Variants in TLE1 observed in about 807,000 individuals in gnomAD.
TLE1 encodes TLE family member 1, transcriptional corepressor.
In TLE1, 21 loss-of-function variants were observed where a neutral mutation model predicts 89.8. The observed-to-expected ratio is 0.23, with a 90% CI of 0.17 to 0.34. The LOEUF is 0.34. Ranked by LOEUF, TLE1 falls within the 10% of genes least tolerant of loss-of-function variation. TLE1 has a pLI of 1.00. For missense variants in TLE1, 795 were observed against 1,031.2 expected, an observed-to-expected ratio of 0.77 and a Z score of 3.14; for synonymous variants, 447 against 407.6, an observed-to-expected ratio of 1.10 and a Z score of -1.16.
intron 16 of TLE1, among the ~76,000 whole-genome samples, chr9:81,588,877 A>G (rs2131786821): frequency 6.6e-6 from 1 of 152,320 alleles, no homozygotes; most frequent in Non-Finnish European, 1.5e-5. Context: ...CCCACACCTT[A>G]TCATTCCTGT....
At chr9:81,616,471 T>C (rs1223548045) in intron 10 of TLE1, among the ~76,000 whole-genome samples, 175 bp downstream of exon 10, 1 of 152,034 alleles carries the variant, frequency 6.6e-6, no homozygotes, top group Non-Finnish European at 1.5e-5. Flanking sequence ...AATAAAACTT[T>C]ATGTCAGTTA....
intron 8 of TLE1, among the ~76,000 whole-genome samples, chr9:81,629,641 AGT>A (rs779662862): frequency 6.6e-6 from 1 of 152,232 alleles, no homozygotes; most frequent in African/African-American, 2.4e-5. Context: ...AATATCGAAT[AGT>A]GTGTTTACAC....
rs752460555 is a variant in TLE1 at position 81,590,885 on chromosome 9, G to A, written c.1749C>T (p.Ser583=). The A allele has an allele frequency of 1.3e-5, 21 of 1,614,276 alleles. No individual in the cohort carries two copies. The highest frequency in any genetic ancestry group is 2.2e-5 in the East Asian group (1 of 44,882). ...ATGAGAAGCAGACCTTGGAATCGGG[G>A]CTGATGGCCAGGGCGTAGCAGGCGG... The part of the protein sequence containing the change: ...SAPACYALAI[S]PDSKVCFSCC... The change falls in exon 16 of 20, where the codon AGC becomes AGT. Residue 583 remains serine, a synonymous_variant. Coordinates refer to ENST00000376499, the MANE Select transcript of TLE1 (RefSeq NM_005077.5).
At chr9:81,666,564 C>T (rs967587174) in intron 4 of TLE1, among the ~76,000 whole-genome samples, 1 of 151,900 alleles carries the variant, frequency 6.6e-6, no homozygotes, top group Non-Finnish European at 1.5e-5. Context: ...ATTATGAGGT[C>T]AGGAGTTCAA....
chr9:81,655,319 C>T (rs1830029601), intron 4 of TLE1, among the ~76,000 whole-genome samples: 2 of 152,102 alleles, frequency 1.3e-5, no homozygotes. Flanking sequence ...GCCGAGATCA[C>T]GCCACTGCAC....
At chr9:81,665,784 T>A (rs774199139) in intron 4 of TLE1, among the ~76,000 whole-genome samples, 1 of 152,062 alleles carries the variant, frequency 6.6e-6, no homozygotes, top group Non-Finnish European at 1.5e-5. Context: ...TATTCATTGG[T>A]TCTCCTTCCT....
intron 14 of TLE1, among the ~76,000 whole-genome samples, chr9:81,602,039 T>G (rs1333705948): frequency 6.6e-6 from 1 of 152,094 alleles, no homozygotes; most frequent in Non-Finnish European, 1.5e-5. Context: ...TGTTTCACGG[T>G]GCAACTGGAG....
At chr9:81,677,768 A>G (rs1833089183) in intron 4 of TLE1, among the ~76,000 whole-genome samples, 1 of 152,126 alleles carries the variant, frequency 6.6e-6, no homozygotes, top group African/African-American at 2.4e-5. Flanking sequence ...GTTCAAACAC[A>G]CCTACATTCT....
chr9:81,613,235 T>A, intron 12 of TLE1, 142 bp downstream of exon 12: 10 of 1,196,710 alleles, frequency 8.4e-6, no homozygotes, highest in Non-Finnish European at 1.0e-5. Flanking sequence ...TTTCTTATCA[T>A]GGCTTTTTCA....
Position 81,643,054 on chromosome 9 carries a change from G to C in TLE1, c.373-8753C>G, listed in dbSNP as rs553598871. Among the ~76,000 whole-genome samples, 38 of 152,298 alleles carry C rather than the reference G, an allele frequency of 2.5e-4. 1 individual carries two copies. In the South Asian group the frequency reaches 7.7e-3, roughly 31 times the overall value. ...AACTCACAGAAGCAGAGAGTAGAATGGCGGCTGCCTTGCGGGGTAGGGGAA... is the reference window on the plus strand; with the variant it reads ...AACTCACAGAAGCAGAGAGTAGAATCGCGGCTGCCTTGCGGGGTAGGGGAA... On this transcript the variant is annotated intron_variant, in intron 6 of 19. Transcript: ENST00000376499.
intron 4 of TLE1, among the ~76,000 whole-genome samples, chr9:81,668,024 C>T (rs1163557729): frequency 2.0e-5 from 3 of 152,030 alleles, no homozygotes; most frequent in African/African-American, 7.2e-5. Context: ...ATTAGCCGGG[C>T]GTGGTGGCAC....
chr9:81,634,202 G>A lies in TLE1; in HGVS notation c.472C>T (p.Leu158Phe), dbSNP rs772420250. ...SGLQPPGIPP[L>F]GGSAGLLALS... ...GCAAGAAGGCCGGCACTGCCCCCGA[G>A]GGGCGGGATTCCAGGAGGCTGAAGT... Residue 158 changes from leucine (L) to phenylalanine (F), a missense_variant, in exon 7 of 20, where the codon CTC (leucine) becomes TTC (phenylalanine). Transcript: ENST00000376499. The A allele has an allele frequency of 3.1e-6, 5 of 1,591,528 alleles. No individual in the cohort carries two copies. The highest frequency in any genetic ancestry group is 2.3e-5 in the East Asian group (1 of 44,254).
intron 6 of TLE1, among the ~76,000 whole-genome samples, chr9:81,646,691 A>T (rs1313726160): frequency 6.6e-6 from 1 of 152,190 alleles, no homozygotes; most frequent in Non-Finnish European, 1.5e-5. Context: ...CTCATGCAAG[A>T]GTGGAGAGCC....
intron 14 of TLE1, among the ~76,000 whole-genome samples, chr9:81,594,412 C>G (rs1218493299): frequency 1.3e-5 from 2 of 152,096 alleles, no homozygotes; most frequent in African/African-American, 4.8e-5. Flanking sequence ...AACCATCATT[C>G]CCAGCAAACT....
At chr9:81,686,908 CTT>C (rs1834361060) in intron 2 of TLE1, among the ~76,000 whole-genome samples, 2 of 152,314 alleles carry the variant, frequency 1.3e-5, no homozygotes, top group Admixed American at 6.5e-5. Flanking sequence ...CCTTAATGGA[CTT>C]TGCCTCAGAA....
At chr9:81,639,150 T>C (rs529503626) in intron 6 of TLE1, among the ~76,000 whole-genome samples, 9 of 152,136 alleles carry the variant, frequency 5.9e-5, no homozygotes, top group African/African-American at 2.2e-4. Context: ...GGTCTGGAAC[T>C]CCTGTTTTCA....
intron 4 of TLE1, among the ~76,000 whole-genome samples, chr9:81,671,419 G>A (rs1269034632): frequency 2.0e-5 from 3 of 151,596 alleles, no homozygotes; most frequent in Admixed American, 2.0e-4. Context: ...GGCCAAGGTG[G>A]GCGGATCACA....
intron 14 of TLE1, among the ~76,000 whole-genome samples, chr9:81,601,601 GAAA>G (rs199834935): frequency 1.7e-5 from 2 of 116,116 alleles, no homozygotes; most frequent in Admixed American, 8.8e-5. Flanking sequence ...TACAGTGCCA[GAAA>G]AAAAAAAAAA....
In TLE1 at chr9:81,620,518, C is replaced by G; in HGVS notation, c.634G>C (p.Asp212His). ...LLVPDSLRGT[D>H]KRRNGPEFSN... is the part of the protein sequence containing the mutation. ...AATTCAGGTCCATTTCTGCGTTTATCTGTGCCTCTTAGACTGTCTGGGACC... is the reference window on the plus strand; with the variant it reads ...AATTCAGGTCCATTTCTGCGTTTATGTGTGCCTCTTAGACTGTCTGGGACC... Residue 212 changes from aspartate (D) to histidine (H), a missense_variant, in exon 9 of 20, where the codon GAT (aspartate) becomes CAT (histidine). Coordinates refer to ENST00000376499, the MANE Select transcript of TLE1 (RefSeq NM_005077.5). 1 of 1,614,088 alleles carries G rather than the reference C, an allele frequency of 6.2e-7. No homozygotes were observed.
Sources: allele counts gnomAD v4.1 joint callset (sites outside exome capture counted in the v4.1 genomes callset), GRCh38; gene constraint gnomAD v4.1.1; transcripts MANE v1.5; gene names NCBI Gene and HGNC (gene_info 2026-07-23, HGNC 2026-07-21).